CWF19L2: variants seen among roughly 807,000 people sequenced by gnomAD.
The protein encoded by CWF19L2 is CWF19-like protein 2.
Under a neutral mutation model 111.7 loss-of-function variants are expected in CWF19L2, and 98 were observed. The observed-to-expected ratio is 0.88, with a 90% confidence interval of 0.75 to 1.04. CWF19L2 has a LOEUF of 1.04. CWF19L2 is among the 50% of genes least tolerant of loss of function. The probability of loss-of-function intolerance (pLI) is 0.00; values close to 1 mark genes in which losing one functional copy is unlikely to be tolerated. For synonymous variants in CWF19L2, 351 were observed against 342.9 expected (o/e 1.02, Z -0.26); for missense variants, 1,101 against 1,051.4 (o/e 1.05, Z -0.65).
chr11:107,327,562 T>C (rs2134514376), intron 17 of CWF19L2, among the ~76,000 whole-genome samples: 1 of 152,340 alleles, frequency 6.6e-6, no homozygotes, highest in Admixed American at 6.5e-5. Flanking sequence ...CTAGTTTAAG[T>C]AAACCTATTG....
chr11:107,329,880 T>C, intron 17 of CWF19L2, 38 bp downstream of exon 17: 1 of 1,438,182 alleles, frequency 7.0e-7, no homozygotes, highest in South Asian at 1.3e-5. Context: ...TGTTACCAAA[T>C]TGCTAACTCT....
intron 12 of CWF19L2, among the ~76,000 whole-genome samples, chr11:107,374,425 G>T (rs1459103865): frequency 1.5e-5 from 2 of 134,594 alleles, no homozygotes; most frequent in African/African-American, 6.2e-5. Flanking sequence ...AGATCTCTCG[G>T]CAGAAACTCT....
chr11:107,372,988 T>C lies in CWF19L2; in HGVS notation c.1872+17086A>G, dbSNP rs1478473202. ...GTGCAAGGGGTCAGGGAGTTCCCTTTCTGAGTCAAAGAAAGGGGTGACGGA... is the reference window on the plus strand; with the variant it reads ...GTGCAAGGGGTCAGGGAGTTCCCTTCCTGAGTCAAAGAAAGGGGTGACGGA... On this transcript the variant is annotated intron_variant, in intron 12 of 17. Transcript: ENST00000282251. 2.6e-5 allele frequency among the ~76,000 whole-genome samples: 2 copies of C among 75,534 alleles called. 1 individual carries two copies. The highest frequency in any genetic ancestry group is 4.9e-5 in the Non-Finnish European group (2 of 40,638). The allele number at this position is 75,534 out of a possible 152,430, so 49.6% of individuals were successfully genotyped here.
chr11:107,378,937 G>C (rs980627175), intron 12 of CWF19L2, among the ~76,000 whole-genome samples: 1 of 152,114 alleles, frequency 6.6e-6, no homozygotes, highest in Admixed American at 6.5e-5. Context: ...GTGACAGACT[G>C]GATGTGGAGA....
intron 10 of CWF19L2, among the ~76,000 whole-genome samples, chr11:107,394,880 T>C (rs965300872): frequency 1.3e-5 from 2 of 152,218 alleles, no homozygotes; most frequent in Non-Finnish European, 2.9e-5. Context: ...TGCTATTCTT[T>C]GCTTAAAAAT....
chr11:107,361,929 G>A (rs1386692421), intron 12 of CWF19L2, among the ~76,000 whole-genome samples: 1 of 152,204 alleles, frequency 6.6e-6, no homozygotes, highest in East Asian at 1.9e-4. Flanking sequence ...CATCTCACTA[G>A]GGAGTGCCAG....
intron 10 of CWF19L2, among the ~76,000 whole-genome samples, chr11:107,409,833 C>T (rs1861131920): frequency 6.6e-6 from 1 of 151,878 alleles, no homozygotes; most frequent in Admixed American, 6.6e-5. Flanking sequence ...TTAAGATTTA[C>T]AATAAAATAC....
Position 107,402,873 on chromosome 11 carries a change from G to GTGTGTATGTATATATATATATATATATA in CWF19L2, c.1618-9979_1618-9978insTATATATATATATATATATACATACACA, listed in dbSNP as rs1247886311. Among the ~76,000 whole-genome samples, 9 of 94,462 alleles carry GTGTGTATGTATATATATATATATATATA rather than the reference G, an allele frequency of 9.5e-5. No homozygotes were observed. In the East Asian group the frequency reaches 2.1e-3, roughly 22 times the overall value. The allele number at this position is 94,462 out of a possible 152,430, so 62.0% of individuals were successfully genotyped here. The stretch of plus-strand genomic sequence containing the variant: ...CGAGTGGATAAACAAACTGTGGTGT[G>GTGTGTATGTATATATATATATATATATA]TATATATATATATATATATATATAT... On this transcript the variant is annotated intron_variant, in intron 10 of 17. Coordinates refer to ENST00000282251, the MANE Select transcript of CWF19L2 (RefSeq NM_152434.3).
rs1451428345 is a variant in CWF19L2, at chr11:107,419,410, AG to A, written c.1434-1124del. On this transcript the variant is annotated intron_variant, in intron 8 of 17. Coordinates refer to ENST00000282251, the MANE Select transcript of CWF19L2 (RefSeq NM_152434.3). ...ATTCAAAAATGTCTAGCACTCAACA[AG>A]GTAGTCTGTAAAACTTAGTATCTAA... is the stretch of plus-strand genomic sequence containing the variant. Among the ~76,000 whole-genome samples the A allele has an allele frequency of 9.2e-5, 14 of 152,330 alleles. No homozygotes were observed. In the East Asian group the frequency reaches 2.5e-3, roughly 27 times the overall value.
intron 10 of CWF19L2, among the ~76,000 whole-genome samples, chr11:107,402,869 GTGTGTATA>G (rs1374613036): frequency 9.1e-5 from 2 of 22,022 alleles, no homozygotes; most frequent in Non-Finnish European, 1.5e-4. Flanking sequence ...ACAAACTGTG[GTGTGTATA>G]TATATATATA....
At chr11:107,334,829 A>G in intron 16 of CWF19L2, 52 bp downstream of exon 16, 2 of 1,124,226 alleles carry the variant, frequency 1.8e-6, no homozygotes, top group Admixed American at 1.8e-5. Flanking sequence ...GGAAATTAAT[A>G]AAGATCCTGA....
rs555536576 is a variant in CWF19L2, at chr11:107,424,181, C to T, written c.1433+4618G>A. 3.7e-3 allele frequency among the ~76,000 whole-genome samples: 509 copies of T among 137,710 alleles called. 2 individuals carry two copies. Among genetic ancestry groups the T allele is most frequent in the Non-Finnish European group, 3.8e-3 (232 of 61,152 alleles). The allele number at this position is 137,710 out of a possible 152,430, so 90.3% of individuals were successfully genotyped here. A position where few individuals can be genotyped will look rare whatever the true frequency, so the allele number is the denominator to read the frequency against. ...ACCCACAATCTGTAGCCACATTTCC[C>T]TCTTTTTTTTTTTTAACTATCTCCA... On this transcript the variant is annotated intron_variant, in intron 8 of 17. Coordinates refer to ENST00000282251, the MANE Select transcript of CWF19L2 (RefSeq NM_152434.3).
chr11:107,336,747 C>A, intron 14 of CWF19L2, 34 bp from the exon 15 acceptor site: 2 of 1,160,606 alleles, frequency 1.7e-6, no homozygotes, highest in Non-Finnish European at 2.4e-6. Flanking sequence ...AAAGAAAACA[C>A]TTAAAGGAGA....
chr11:107,360,278 A>AAAAAAC (rs532497491), intron 12 of CWF19L2, among the ~76,000 whole-genome samples: 2 of 152,158 alleles, frequency 1.3e-5, no homozygotes, highest in East Asian at 1.9e-4. Context: ...ATGTTGCAGC[A>AAAAAAC]AAAAACAAAA....
At chr11:107,407,400 CAA>C (rs5794550) in intron 10 of CWF19L2, among the ~76,000 whole-genome samples, 5 of 145,760 alleles carry the variant, frequency 3.4e-5, no homozygotes, top group East Asian at 4.0e-4. Flanking sequence ...TTCCCCCTAC[CAA>C]AAAAAAAAAA....
intron 7 of CWF19L2, among the ~76,000 whole-genome samples, chr11:107,431,702 A>T (rs1861467712): frequency 6.6e-6 from 1 of 152,186 alleles, no homozygotes. Flanking sequence ...TGCTATCTGC[A>T]TAATTTACTG....
intron 12 of CWF19L2, among the ~76,000 whole-genome samples, chr11:107,386,382 A>G (rs1860766816): frequency 6.6e-6 from 1 of 152,122 alleles, no homozygotes; most frequent in African/African-American, 2.4e-5. Flanking sequence ...TCCTCCTTAT[A>G]TAATTGATGG....
chr11:107,444,257 A>T (rs1298860798), intron 3 of CWF19L2, among the ~76,000 whole-genome samples: 1 of 152,062 alleles, frequency 6.6e-6, no homozygotes, highest in Non-Finnish European at 1.5e-5. Flanking sequence ...CATTTTCTCA[A>T]AACTCTACAA....
At chr11:107,379,788 G>A (rs1009443538) in intron 12 of CWF19L2, among the ~76,000 whole-genome samples, 7 of 151,992 alleles carry the variant, frequency 4.6e-5, no homozygotes, top group Non-Finnish European at 8.8e-5. Context: ...AGCCGGGCGC[G>A]GTGGCTCACG....
Sources: allele counts gnomAD v4.1 joint callset (sites outside exome capture counted in the v4.1 genomes callset), GRCh38; gene constraint gnomAD v4.1.1; transcripts MANE v1.5; gene names NCBI Gene and HGNC (gene_info 2026-07-23, HGNC 2026-07-21).